Variants in SOX5 observed in about 807,000 individuals in gnomAD.
SOX5 encodes SRY-box transcription factor 5, also known as transcription factor SOX-5.
SOX5 carries 9 observed loss-of-function variants against 92.0 expected under a neutral mutation model. The ratio of observed to expected loss-of-function variants is 0.10; its 90% CI spans 0.06 to 0.17. The LOEUF is 0.17. SOX5 is among the 10% of genes least tolerant of loss of function. The pLI is 1.00. For missense variants in SOX5, 642 were observed against 944.5 expected, an observed-to-expected ratio of 0.68 and a Z score of 4.20; for synonymous variants, 344 against 336.3, an observed-to-expected ratio of 1.02 and a Z score of -0.25.
chr12:24,472,190 CAA>C (rs1394527347), intron 1 of SOX5, among the ~76,000 whole-genome samples: 1 of 152,072 alleles, frequency 6.6e-6, no homozygotes, highest in Admixed American at 6.5e-5. Context: ...GACAGATAAG[CAA>C]AGTGTGTGTG....
chr12:24,550,906 T>C (rs1426850103), intron 1 of SOX5, among the ~76,000 whole-genome samples: 1 of 152,254 alleles, frequency 6.6e-6, no homozygotes, highest in African/African-American at 2.4e-5. Context: ...TACAGCCATT[T>C]TTCTACTAAA....
rs183916425 is a variant in SOX5 at position 23,800,180 on chromosome 12, A to T, written c.482-44456T>A. On this transcript the variant is annotated intron_variant, in intron 3 of 14. Coordinates refer to ENST00000451604, the MANE Select transcript of SOX5 (RefSeq NM_006940.6). ...CATTTTTAAATGGTTGAAAAAAAGA[A>T]GAATATTTTACAATATGTGAAAACG... is the stretch of plus-strand genomic sequence containing the variant. 3.4e-3 allele frequency among the ~76,000 whole-genome samples: 519 copies of T among 152,276 alleles called. 2 individuals are homozygous for T. The highest frequency in any genetic ancestry group is 0.02 in the Middle Eastern group (6 of 294).
At chr12:24,506,784 C>CTTTTTTTTTTTT (rs386375924) in intron 1 of SOX5, among the ~76,000 whole-genome samples, 21 of 81,766 alleles carry the variant, frequency 2.6e-4, no homozygotes, top group Admixed American at 3.7e-4. Context: ...TCCAAATGGT[C>CTTTTTTTTTTTT]TTTTTTTTTT....
chr12:24,320,547 G>A (rs1950109112), intron 2 of SOX5, among the ~76,000 whole-genome samples: 2 of 152,036 alleles, frequency 1.3e-5, no homozygotes, highest in Admixed American at 6.6e-5. Flanking sequence ...ACAAATCTGA[G>A]CACATTTTGA....
chr12:23,584,431 C>A, intron 9 of SOX5: 1 of 831,436 alleles, frequency 1.2e-6, no homozygotes, highest in South Asian at 1.4e-5. Context: ...GATAGGCCAT[C>A]TTTAGATAAC....
intron 1 of SOX5, among the ~76,000 whole-genome samples, chr12:24,473,887 C>T (rs896538203): frequency 3.3e-5 from 5 of 152,132 alleles, no homozygotes; most frequent in Non-Finnish European, 5.9e-5. Context: ...GCATGTCTGA[C>T]TCATGTTTGT....
intron 9 of SOX5, chr12:23,582,083 G>T (rs1232852846): frequency 4.6e-6 from 4 of 878,630 alleles, no homozygotes; most frequent in Admixed American, 6.2e-5. Flanking sequence ...TATCCTCTCT[G>T]ATGAAATGAT....
intron 4 of SOX5, among the ~76,000 whole-genome samples, chr12:23,752,488 T>C (rs932953716): frequency 1.3e-5 from 2 of 151,878 alleles, no homozygotes; most frequent in African/African-American, 4.8e-5. Context: ...AATGATCTGC[T>C]TAGATTAGTT....
chr12:24,096,429 C>A (rs1330399257), intron 4 of SOX5, among the ~76,000 whole-genome samples: 3 of 152,156 alleles, frequency 2.0e-5, no homozygotes, highest in African/African-American at 7.2e-5. Context: ...CAGAAGGAAA[C>A]CCTGTAAACA....
Position 24,122,587 on chromosome 12 carries a change from A to G in SOX5, c.-2+90756T>C, listed in dbSNP as rs529157494. On this transcript the variant is annotated intron_variant, in intron 4 of 4. Coordinates refer to the SOX5 transcript ENST00000446891. ...GACAGAAGTAAACTAGAAGATCAGA[A>G]TGTTTAATCTATATCCTGTAAACAC... Among the ~76,000 whole-genome samples the G allele has an allele frequency of 6.6e-5, 10 of 152,350 alleles. No individual in the cohort carries two copies. In the East Asian group the frequency reaches 1.5e-3, roughly 24 times the overall value.
At chr12:23,729,177 A>G (rs993234996) in intron 6 of SOX5, among the ~76,000 whole-genome samples, 11 of 152,250 alleles carry the variant, frequency 7.2e-5, no homozygotes, top group African/African-American at 2.4e-4. Context: ...TACCAGTCAC[A>G]GTCCCATTTA....
chr12:24,358,408 GTGT>G (rs936617227), intron 2 of SOX5, among the ~76,000 whole-genome samples: 2 of 152,140 alleles, frequency 1.3e-5, no homozygotes, highest in African/African-American at 4.8e-5. Context: ...ATTCTCTGAA[GTGT>G]TCCTTTCTCC....
chr12:23,834,381 T>G (rs2096379799), intron 3 of SOX5, among the ~76,000 whole-genome samples: 1 of 151,958 alleles, frequency 6.6e-6, no homozygotes, highest in African/African-American at 2.4e-5. Context: ...AATTTTTAGC[T>G]GATAGTACTT....
intron 7 of SOX5, among the ~76,000 whole-genome samples, chr12:23,658,315 G>A (rs2082577312): frequency 6.6e-6 from 1 of 152,058 alleles, no homozygotes; most frequent in Non-Finnish European, 1.5e-5. Flanking sequence ...CATGAGAAGT[G>A]GAAGATGACT....
At chr12:23,655,490 G>C (rs777911885) in intron 7 of SOX5, among the ~76,000 whole-genome samples, 63 of 152,108 alleles carry the variant, frequency 4.1e-4, no homozygotes, top group Non-Finnish European at 8.8e-4. Flanking sequence ...ATTTGGAAGA[G>C]GGGCATTCGC....
chr12:23,673,244 TAATA>T (rs1333564741), intron 6 of SOX5, among the ~76,000 whole-genome samples: 1 of 152,190 alleles, frequency 6.6e-6, no homozygotes, highest in Non-Finnish European at 1.5e-5. Context: ...GTTATTATTC[TAATA>T]TATAGCTATT....
chr12:24,476,348 T>G (rs1945375534), intron 1 of SOX5, among the ~76,000 whole-genome samples: 1 of 152,160 alleles, frequency 6.6e-6, no homozygotes, highest in African/African-American at 2.4e-5. Context: ...ATTAGAAATG[T>G]GAAGGAAAAA....
intron 11 of SOX5, among the ~76,000 whole-genome samples, chr12:23,548,616 T>C (rs1217516853): frequency 6.6e-6 from 1 of 151,804 alleles, no homozygotes; most frequent in South Asian, 2.1e-4. Context: ...TATAACAGCA[T>C]GCAAATCAAA....
At chr12:24,338,187 TA>T (rs1952129218) in intron 2 of SOX5, among the ~76,000 whole-genome samples, 1 of 152,186 alleles carries the variant, frequency 6.6e-6, no homozygotes, top group South Asian at 2.1e-4. Flanking sequence ...CCTGCATTTA[TA>T]AAAAATTTAT....
Sources: gnomAD v4.1 joint callset for allele counts (sites outside exome capture counted in the v4.1 genomes callset) on GRCh38, gnomAD v4.1.1 for gene constraint, MANE v1.5 for transcripts, NCBI Gene and HGNC (gene_info 2026-07-23, HGNC 2026-07-21) for gene names.